ATRNL1: variants seen among roughly 807,000 people sequenced by gnomAD.
The protein encoded by ATRNL1 is attractin-like protein 1.
ATRNL1 carries 95 observed loss-of-function variants against 182.7 expected under a neutral mutation model. The observed-to-expected ratio is 0.52, with a 90% confidence interval of 0.44 to 0.62. The LOEUF is 0.62. Among genes scored for constraint, ATRNL1 ranks in the 20% least tolerant of loss-of-function variants. The pLI is 0.00. For missense variants in ATRNL1, 1,471 were observed against 1,679.5 expected (o/e 0.88, Z 2.17); for synonymous variants, 576 against 568.3 (o/e 1.01, Z -0.19).
chr10:115,234,143 A>G (rs1249836398), intron 9 of ATRNL1, among the ~76,000 whole-genome samples: 2 of 152,078 alleles, frequency 1.3e-5, no homozygotes, highest in African/African-American at 4.8e-5. Flanking sequence ...TAACTACTGA[A>G]TTCAATATAA....
At chr10:115,254,591 G>C (rs565792978) in intron 10 of ATRNL1, among the ~76,000 whole-genome samples, 6,240 of 152,184 alleles carry the variant, frequency 0.041, 181 homozygotes, top group Non-Finnish European at 0.066. Flanking sequence ...TAGGTTGCCT[G>C]TTCACTCTGA....
intron 18 of ATRNL1, among the ~76,000 whole-genome samples, chr10:115,320,606 T>G (rs1554931133): frequency 6.6e-6 from 1 of 152,192 alleles, no homozygotes; most frequent in South Asian, 2.1e-4. Context: ...CTTTTGTTTC[T>G]TTAGTCTTGT....
rs367727814 is a variant in ATRNL1, at chr10:115,358,022, A to C, written c.3175+23603A>C. On this transcript the variant is annotated intron_variant, in intron 19 of 28. Coordinates refer to ENST00000355044, the MANE Select transcript of ATRNL1 (RefSeq NM_207303.4). The stretch of plus-strand genomic sequence containing the variant: ...TCCAAACTGATCCTGGCTCTGCACT[A>C]TCTATGATATTTATTCCCTTCTTGG... Among the ~76,000 whole-genome samples, 6 of 151,548 alleles carry C rather than the reference A, an allele frequency of 4.0e-5. No individual in the cohort carries two copies. In the East Asian group the frequency reaches 9.6e-4, roughly 24 times the overall value.
At chr10:115,880,996 C>CG (rs1951814725) in intron 28 of ATRNL1, among the ~76,000 whole-genome samples, 1 of 152,132 alleles carries the variant, frequency 6.6e-6, no homozygotes, top group Non-Finnish European at 1.5e-5. Context: ...CTAATCCCCC[C>CG]GGGGTGAAAA....
At chr10:115,871,469 TTGTGTGTGTGTATATATATA>T (rs1438245884) in intron 28 of ATRNL1, among the ~76,000 whole-genome samples, 5 of 140,296 alleles carry the variant, frequency 3.6e-5, no homozygotes, top group African/African-American at 1.1e-4. Context: ...GTCAGATTCT[TTGTGTGTGTGTATATATATA>T]TATATATATA....
At chr10:115,440,902 C>T (rs1322884679) in intron 21 of ATRNL1, among the ~76,000 whole-genome samples, 7 of 151,846 alleles carry the variant, frequency 4.6e-5, no homozygotes, top group Non-Finnish European at 1.0e-4. Flanking sequence ...TTTAAAACTT[C>T]ATCTCTATTC....
chr10:115,213,002 A>G (rs1382310120), intron 8 of ATRNL1, among the ~76,000 whole-genome samples: 7 of 152,126 alleles, frequency 4.6e-5, no homozygotes, highest in African/African-American at 1.7e-4. Context: ...TTATAATAAA[A>G]GTTAAAAATA....
At chr10:115,195,502 T>C (rs1240883163) in intron 8 of ATRNL1, among the ~76,000 whole-genome samples, 7 of 152,144 alleles carry the variant, frequency 4.6e-5, no homozygotes, top group African/African-American at 1.4e-4. Flanking sequence ...ATAAGTTGTG[T>C]GCCTCTTTTC....
intron 15 of ATRNL1, among the ~76,000 whole-genome samples, chr10:115,287,901 A>G (rs1024789338): frequency 9.8e-4 from 130 of 132,998 alleles, no homozygotes; most frequent in Non-Finnish European, 2.0e-3. Context: ...TCTCCTCTAC[A>G]TTTTACTTCT....
chr10:115,566,991 T>A (rs1854111505), intron 26 of ATRNL1, among the ~76,000 whole-genome samples: 1 of 152,128 alleles, frequency 6.6e-6, no homozygotes, highest in African/African-American at 2.4e-5. Flanking sequence ...TTCAGTTTTG[T>A]GGAAGGCATG....
At chr10:115,939,590 G>A (rs1953665004) in intron 28 of ATRNL1, among the ~76,000 whole-genome samples, 1 of 152,142 alleles carries the variant, frequency 6.6e-6, no homozygotes, top group South Asian at 2.1e-4. Context: ...AATTCCTTTG[G>A]ACCATCAGTC....
At position 115,936,365 on chromosome 10, in the gene ATRNL1, A is replaced by G. The variant is rs185349431; in HGVS notation, c.4019-8293A>G. Among the ~76,000 whole-genome samples, 340 of 152,332 alleles carry G rather than the reference A, an allele frequency of 2.2e-3. 5 individuals are homozygous for G. Among genetic ancestry groups the G allele is most frequent in the African/African-American group, 7.5e-3 (311 of 41,590 alleles). On this transcript the variant is annotated intron_variant, in intron 28 of 28. Coordinates refer to ENST00000355044, the MANE Select transcript of ATRNL1 (RefSeq NM_207303.4). ...CTCCATGAGGTACAGAATCTTTCAT[A>G]TATCATCAGTTTTGTTCACTGCTAA...
At chr10:115,396,235 T>A (rs2134285614) in intron 20 of ATRNL1, among the ~76,000 whole-genome samples, 1 of 152,016 alleles carries the variant, frequency 6.6e-6, no homozygotes, top group East Asian at 1.9e-4. Flanking sequence ...GCAAAAGATC[T>A]TGGGGGAATT....
chr10:115,855,493 T>C lies in ATRNL1; in HGVS notation c.4018+7502T>C, dbSNP rs542580326. ...CTGAAGGCAGTGGCAATATCTTATT[T>C]CATCTTTGAATCCCTAGCTGCTAAC... On this transcript the variant is annotated intron_variant, in intron 28 of 28. Coordinates refer to ENST00000355044, the MANE Select transcript of ATRNL1 (RefSeq NM_207303.4). Among the ~76,000 whole-genome samples, 233 of 152,324 alleles carry C rather than the reference T, an allele frequency of 1.5e-3. 3 individuals are homozygous for C. Among genetic ancestry groups the C allele is most frequent in the Non-Finnish European group, 2.9e-3 (198 of 68,024 alleles).
intron 26 of ATRNL1, among the ~76,000 whole-genome samples, chr10:115,708,999 G>C (rs1217923897): frequency 6.6e-6 from 1 of 151,726 alleles, no homozygotes; most frequent in Non-Finnish European, 1.5e-5. Context: ...CTCAGAAAGG[G>C]AACACACATG....
At chr10:115,495,501 G>A (rs1260501910) in intron 24 of ATRNL1, among the ~76,000 whole-genome samples, 1 of 152,124 alleles carries the variant, frequency 6.6e-6, no homozygotes, top group Non-Finnish European at 1.5e-5. Flanking sequence ...GTGCTCCAGA[G>A]ATTCTGGTGT....
chr10:115,175,241 C>T (rs1216938636), intron 8 of ATRNL1, among the ~76,000 whole-genome samples: 4 of 151,950 alleles, frequency 2.6e-5, no homozygotes, highest in African/African-American at 9.7e-5. Flanking sequence ...GAACGTTTGT[C>T]CCACTCAGCC....
At chr10:115,275,334 T>G (rs1554914542) in intron 13 of ATRNL1, among the ~76,000 whole-genome samples, 1 of 152,216 alleles carries the variant, frequency 6.6e-6, no homozygotes, top group Non-Finnish European at 1.5e-5. Flanking sequence ...AGTGATGTTT[T>G]GGGTCTCCTG....
intron 19 of ATRNL1, among the ~76,000 whole-genome samples, chr10:115,350,431 A>G (rs185509927): frequency 1.4e-5 from 2 of 146,524 alleles, no homozygotes; most frequent in East Asian, 4.1e-4. Flanking sequence ...TTTTAAATCT[A>G]TTTTGTTTTA....
Sources: allele counts gnomAD v4.1 joint callset (sites outside exome capture counted in the v4.1 genomes callset), GRCh38; gene constraint gnomAD v4.1.1; transcripts MANE v1.5; gene names NCBI Gene and HGNC (gene_info 2026-07-23, HGNC 2026-07-21).